The following MEF2A variants were observed in gnomAD, a reference collection of about 807,000 sequenced individuals.
The protein encoded by MEF2A is myocyte enhancer factor 2A.
MEF2A carries 28 observed loss-of-function variants against 55.8 expected under a neutral mutation model. That is an observed-to-expected ratio of 0.50 (90% CI 0.37 to 0.69). The LOEUF is 0.69. Among genes scored for constraint, MEF2A ranks in the 30% least tolerant of loss-of-function variants. MEF2A has a pLI of 0.00. For synonymous variants in MEF2A, 239 were observed against 227.1 expected (o/e 1.05, Z -0.47); for missense variants, 528 against 626.2 (o/e 0.84, Z 1.67).
intron 1 of MEF2A, among the ~76,000 whole-genome samples, chr15:99,579,640 C>T (rs1338344069): frequency 6.6e-6 from 1 of 152,220 alleles, no homozygotes; most frequent in African/African-American, 2.4e-5. Flanking sequence ...AAGTGATCCA[C>T]TTGCCTCAAC....
intron 2 of MEF2A, among the ~76,000 whole-genome samples, chr15:99,611,492 C>T (rs1977276601): frequency 6.6e-6 from 1 of 152,074 alleles, no homozygotes; most frequent in Non-Finnish European, 1.5e-5. Context: ...TCACACCCAC[C>T]ATGATGGCAT....
intron 1 of MEF2A, among the ~76,000 whole-genome samples, chr15:99,570,326 T>G (rs2050531747): frequency 1.3e-5 from 2 of 152,228 alleles, no homozygotes; most frequent in South Asian, 4.1e-4. Context: ...GAATTAATAC[T>G]AATTTTACTT....
At chr15:99,601,805 TTTTGTG>T (rs1035112868) in intron 2 of MEF2A, among the ~76,000 whole-genome samples, 4 of 127,080 alleles carry the variant, frequency 3.1e-5, no homozygotes, top group Admixed American at 9.3e-5. Context: ...TTTTTGTCTG[TTTTGTG>T]TGTGTGTGTG....
At chr15:99,681,092 C>T (rs1031738589) in intron 7 of MEF2A, among the ~76,000 whole-genome samples, 1 of 152,136 alleles carries the variant, frequency 6.6e-6, no homozygotes, top group Non-Finnish European at 1.5e-5. Context: ...TTTGGGCACA[C>T]TTTAAAATAT....
At chr15:99,673,092 T>C (rs1664466159) in intron 5 of MEF2A, among the ~76,000 whole-genome samples, 1 of 152,170 alleles carries the variant, frequency 6.6e-6, no homozygotes, top group Non-Finnish European at 1.5e-5. Flanking sequence ...AGACACTGAA[T>C]AAACTGTGTA....
intron 9 of MEF2A, 158 bp from the exon 10 acceptor site, chr15:99,706,571 A>C: frequency 2.9e-6 from 2 of 693,082 alleles, no homozygotes; most frequent in South Asian, 3.9e-5. Flanking sequence ...TTAAATATTT[A>C]GTTATTCTCA....
intron 1 of MEF2A, among the ~76,000 whole-genome samples, chr15:99,588,309 C>G (rs906170786): frequency 1.3e-5 from 2 of 151,512 alleles, no homozygotes; most frequent in African/African-American, 4.9e-5. Context: ...TTTTTCTTTT[C>G]TTTTCTTTTT....
At chr15:99,653,885 G>A (rs930424588) in intron 4 of MEF2A, among the ~76,000 whole-genome samples, 2 of 151,908 alleles carry the variant, frequency 1.3e-5, no homozygotes, top group African/African-American at 4.8e-5. Flanking sequence ...TTATTTTGTG[G>A]TAATTTCTGG....
intron 3 of MEF2A, among the ~76,000 whole-genome samples, chr15:99,636,813 A>T (rs1461781083): frequency 2.1e-5 from 3 of 144,150 alleles, no homozygotes; most frequent in Admixed American, 6.9e-5. Context: ...CTTTTTTTTT[A>T]ACCTTTCATG....
At position 99,613,024 on chromosome 15, in the gene MEF2A, G is replaced by A. The variant is rs559273498; in HGVS notation, c.-143+14513G>A. ...TAAATGTGTGTATAAATTGCAGTGC[G>A]TAGATATAATGCAATCAGGACTTGA... On this transcript the variant is annotated intron_variant, in intron 2 of 11. Coordinates refer to ENST00000557942, the MANE Select transcript of MEF2A (RefSeq NM_001319206.4). Among the ~76,000 whole-genome samples, 11 of 152,242 alleles carry A rather than the reference G, an allele frequency of 7.2e-5. No individual in the cohort carries two copies. The South Asian group carries it at 8.3e-4, about 11-fold the overall frequency.
At chr15:99,634,151 G>C (rs991761992) in intron 3 of MEF2A, among the ~76,000 whole-genome samples, 6 of 152,342 alleles carry the variant, frequency 3.9e-5, no homozygotes, top group Middle Eastern at 3.4e-3. Flanking sequence ...CGAAACTGAA[G>C]ATGTGTTCTG....
At chr15:99,590,024 C>G (rs1015291154) in intron 1 of MEF2A, among the ~76,000 whole-genome samples, 4 of 151,998 alleles carry the variant, frequency 2.6e-5, no homozygotes, top group African/African-American at 9.7e-5. Flanking sequence ...TAGTGTTGTT[C>G]AGGTCTTATA....
At chr15:99,585,053 A>G (rs188739639) in intron 1 of MEF2A, among the ~76,000 whole-genome samples, 2 of 152,284 alleles carry the variant, frequency 1.3e-5, no homozygotes, top group African/African-American at 2.4e-5. Context: ...TAAGAATGTA[A>G]TAAGTTGTGT....
intron 4 of MEF2A, among the ~76,000 whole-genome samples, chr15:99,652,218 G>C (rs2046964763): frequency 6.6e-6 from 1 of 152,142 alleles, no homozygotes; most frequent in African/African-American, 2.4e-5. Context: ...ATGTGGACAG[G>C]GAGATGGTTT....
Position 99,589,807 on chromosome 15 carries a change from C to A in MEF2A, c.-224-8623C>A, listed in dbSNP as rs190918464. 2.2e-3 allele frequency among the ~76,000 whole-genome samples: 340 copies of A among 152,142 alleles called. 1 individual carries two copies. The highest frequency in any genetic ancestry group is 3.9e-3 in the Non-Finnish European group (262 of 67,928). On this transcript the variant is annotated intron_variant, in intron 1 of 11. Transcript: ENST00000557942. ...GTCCCAAAATAGAAATGTCCCCCCC[C>A]AAAAAAGTGTCCTTTTTGTAACTGA...
At chr15:99,611,106 A>G (rs1977108205) in intron 2 of MEF2A, among the ~76,000 whole-genome samples, 1 of 152,088 alleles carries the variant, frequency 6.6e-6, no homozygotes, top group South Asian at 2.1e-4. Flanking sequence ...GCCAGGCGTG[A>G]TGGCAGGGAC....
intron 7 of MEF2A, among the ~76,000 whole-genome samples, chr15:99,685,653 T>C (rs1332811119): frequency 6.6e-6 from 1 of 152,200 alleles, no homozygotes; most frequent in East Asian, 1.9e-4. Flanking sequence ...CCTGCATCCC[T>C]AGTATGAAAC....
intron 4 of MEF2A, among the ~76,000 whole-genome samples, chr15:99,653,072 A>G (rs60373367): frequency 0.025 from 3,823 of 152,320 alleles, 152 homozygotes; most frequent in African/African-American, 0.082. Context: ...TTAAGCATAT[A>G]ACTATTATAA....
chr15:99,582,254 A>G (rs2152864838), intron 1 of MEF2A, among the ~76,000 whole-genome samples: 1 of 152,280 alleles, frequency 6.6e-6, no homozygotes, highest in South Asian at 2.1e-4. Context: ...TAGAAAGCAT[A>G]GTGATAGGCT....
Sources: allele counts gnomAD v4.1 joint callset (sites outside exome capture counted in the v4.1 genomes callset), GRCh38; gene constraint gnomAD v4.1.1; transcripts MANE v1.5; gene names NCBI Gene and HGNC (gene_info 2026-07-23, HGNC 2026-07-21).